ARHGAP15: variants seen among roughly 807,000 people sequenced by gnomAD.
The protein encoded by ARHGAP15 is Rho GTPase activating protein 15, also known as rho GTPase-activating protein 15.
Under a neutral mutation model 63.7 loss-of-function variants are expected in ARHGAP15, and 51 were observed. That is an observed-to-expected ratio of 0.80 (90% confidence interval 0.64 to 1.01). ARHGAP15 has a LOEUF of 1.01. Among genes scored for constraint, ARHGAP15 ranks in the 50% least tolerant of loss-of-function variants. ARHGAP15 has a pLI of 0.00. For synonymous variants in ARHGAP15, 191 were observed against 193.8 expected, an observed-to-expected ratio of 0.99 and a Z score of 0.12; for missense variants, 560 against 564.6, an observed-to-expected ratio of 0.99 and a Z score of 0.08.
chr2:143,544,818 G>GA (rs553589480), intron 10 of ARHGAP15, among the ~76,000 whole-genome samples: 19 of 152,132 alleles, frequency 1.2e-4, no homozygotes, highest in Non-Finnish European at 2.5e-4. Flanking sequence ...TGCCAAGCAG[G>GA]AAGGAACATG....
chr2:143,341,177 C>T (rs1025195024), intron 6 of ARHGAP15, among the ~76,000 whole-genome samples: 4 of 152,044 alleles, frequency 2.6e-5, no homozygotes, highest in East Asian at 1.9e-4. Flanking sequence ...TCTACCTCTC[C>T]GGCATCCCTT....
chr2:143,516,587 T>C (rs1693831365), intron 9 of ARHGAP15, among the ~76,000 whole-genome samples: 1 of 152,234 alleles, frequency 6.6e-6, no homozygotes, highest in Non-Finnish European at 1.5e-5. Context: ...CAACTCAATA[T>C]GCCTACCTCA....
intron 6 of ARHGAP15, chr2:143,344,313 T>C (rs1348567181): frequency 6.6e-6 from 1 of 152,148 alleles, no homozygotes. Flanking sequence ...AAGTATAGAT[T>C]GTCTCTAAAC....
intron 12 of ARHGAP15, among the ~76,000 whole-genome samples, chr2:143,670,431 C>G (rs1682459089): frequency 6.6e-6 from 1 of 152,196 alleles, no homozygotes; most frequent in African/African-American, 2.4e-5. Flanking sequence ...AGCAAAAAGG[C>G]AGTGCAAAGG....
At chr2:143,280,411 T>C (rs1681783142) in intron 6 of ARHGAP15, among the ~76,000 whole-genome samples, 1 of 152,116 alleles carries the variant, frequency 6.6e-6, no homozygotes, top group Non-Finnish European at 1.5e-5. Flanking sequence ...TTTCTAGGTC[T>C]ATTTATCACA....
At chr2:143,159,211 A>G (rs1317961083) in intron 2 of ARHGAP15, among the ~76,000 whole-genome samples, 2 of 151,932 alleles carry the variant, frequency 1.3e-5, no homozygotes, top group East Asian at 3.9e-4. Context: ...GATTCCTTTT[A>G]CTTCCATTAA....
At chr2:143,364,431 T>C (rs1394266137) in intron 6 of ARHGAP15, among the ~76,000 whole-genome samples, 1 of 152,176 alleles carries the variant, frequency 6.6e-6, no homozygotes, top group Non-Finnish European at 1.5e-5. Flanking sequence ...TTTCATTATT[T>C]AAGAAATATT....
intron 1 of ARHGAP15, among the ~76,000 whole-genome samples, chr2:143,149,545 G>A (rs1464758234): frequency 6.6e-6 from 1 of 151,896 alleles, no homozygotes; most frequent in Non-Finnish European, 1.5e-5. Context: ...TTTTTTTAAT[G>A]AGAAGAAGAT....
At chr2:143,752,263 C>G (rs925072223) in intron 13 of ARHGAP15, among the ~76,000 whole-genome samples, 1 of 152,198 alleles carries the variant, frequency 6.6e-6, no homozygotes, top group Admixed American at 6.5e-5. Flanking sequence ...CCCTCATTTA[C>G]AGAGTAAAGG....
chr2:143,558,580 T>C (rs1695901465), intron 11 of ARHGAP15, among the ~76,000 whole-genome samples: 1 of 152,166 alleles, frequency 6.6e-6, no homozygotes, highest in Admixed American at 6.6e-5. Context: ...AATAGGATAC[T>C]GGCTGAAATG....
chr2:143,233,078 T>C (rs79238905), intron 5 of ARHGAP15, among the ~76,000 whole-genome samples: 2,678 of 152,324 alleles, frequency 0.018, 80 homozygotes, highest in African/African-American at 0.062. Context: ...TTTCTCAATG[T>C]ATATGTTATT....
At chr2:143,475,682 G>C (rs34112283) in intron 8 of ARHGAP15, among the ~76,000 whole-genome samples, 19,306 of 152,232 alleles carry the variant, frequency 0.13, 1,747 homozygotes, top group East Asian at 0.48. Context: ...CATGGCAAAG[G>C]GGTGAAGCCA....
intron 8 of ARHGAP15, among the ~76,000 whole-genome samples, chr2:143,475,006 C>T (rs150561915): frequency 1.6e-3 from 251 of 152,312 alleles, no homozygotes; most frequent in African/African-American, 6.0e-3. Context: ...ATTTGTCACA[C>T]ACATGGTGAC....
At chr2:143,379,525 GTGTGTGTA>G (rs1558932176) in intron 6 of ARHGAP15, among the ~76,000 whole-genome samples, 2 of 150,028 alleles carry the variant, frequency 1.3e-5, no homozygotes, top group African/African-American at 4.9e-5. Flanking sequence ...GTGTGTGTGT[GTGTGTGTA>G]TGAGAGAGAG....
At chr2:143,308,539 G>T (rs924859053) in intron 6 of ARHGAP15, among the ~76,000 whole-genome samples, 1 of 151,648 alleles carries the variant, frequency 6.6e-6, no homozygotes, top group East Asian at 1.9e-4. Flanking sequence ...CCTAGCACAT[G>T]AAAGAGCTAT....
chr2:143,512,438 G>A (rs943496270), intron 9 of ARHGAP15, among the ~76,000 whole-genome samples: 3 of 152,132 alleles, frequency 2.0e-5, no homozygotes, highest in African/African-American at 7.2e-5. Flanking sequence ...CATCCCCAAG[G>A]GAATCTCAGG....
chr2:143,544,400 A>C (rs1199135912), intron 10 of ARHGAP15, among the ~76,000 whole-genome samples: 1 of 152,192 alleles, frequency 6.6e-6, no homozygotes, highest in Non-Finnish European at 1.5e-5. Flanking sequence ...AAATAATTTC[A>C]ATCTGTGTCA....
intron 5 of ARHGAP15, chr2:143,235,892 A>G (rs190137564): frequency 1.4e-5 from 21 of 1,515,604 alleles, no homozygotes; most frequent in Non-Finnish European, 1.7e-5. Context: ...AATTGACTCT[A>G]GCACTTCATT....
intron 9 of ARHGAP15, among the ~76,000 whole-genome samples, chr2:143,507,694 G>T (rs1010796933): frequency 6.6e-6 from 1 of 152,070 alleles, no homozygotes; most frequent in African/African-American, 2.4e-5. Flanking sequence ...TGGGGTGCTT[G>T]GTACATATCT....
Sources: allele counts gnomAD v4.1 joint callset (sites outside exome capture counted in the v4.1 genomes callset), GRCh38; gene constraint gnomAD v4.1.1; transcripts MANE v1.5; gene names NCBI Gene and HGNC (gene_info 2026-07-23, HGNC 2026-07-21).